The following CNTN4 variants were observed in gnomAD, a reference collection of about 807,000 sequenced individuals.
The protein encoded by CNTN4 is contactin 4.
In CNTN4, 77 loss-of-function variants were observed where a neutral mutation model predicts 122.5. That is an observed-to-expected ratio of 0.63 (90% confidence interval 0.52 to 0.76). The LOEUF (loss-of-function observed/expected upper bound fraction) is 0.76. Among genes scored for constraint, CNTN4 ranks in the 30% least tolerant of loss-of-function variants. CNTN4 has a pLI of 0.00. For missense variants in CNTN4, 1,256 were observed against 1,259.1 expected (o/e 1.00, Z 0.04); for synonymous variants, 512 against 447.0 (o/e 1.15, Z -1.83).
chr3:2,276,933 A>C (rs546515448), intron 2 of CNTN4, among the ~76,000 whole-genome samples: 22 of 152,204 alleles, frequency 1.4e-4, no homozygotes, highest in Non-Finnish European at 3.1e-4. Flanking sequence ...GTCTACAAAT[A>C]TAGTGATATA....
intron 14 of CNTN4, among the ~76,000 whole-genome samples, chr3:3,002,181 A>G (rs182975089): frequency 4.6e-5 from 7 of 152,302 alleles, no homozygotes; most frequent in Admixed American, 2.0e-4. Flanking sequence ...TCTAATTTTT[A>G]TGAATATTTT....
intron 4 of CNTN4, among the ~76,000 whole-genome samples, chr3:2,733,378 T>A (rs575357034): frequency 6.6e-6 from 1 of 152,326 alleles, no homozygotes; most frequent in South Asian, 2.1e-4. Flanking sequence ...CACTTAATTC[T>A]TTACCATTGA....
chr3:2,608,781 T>G (rs1333284115), intron 4 of CNTN4, among the ~76,000 whole-genome samples: 2 of 152,236 alleles, frequency 1.3e-5, no homozygotes, highest in African/African-American at 4.8e-5. Flanking sequence ...CAACTGCACT[T>G]TGCCCCTTGG....
intron 7 of CNTN4, among the ~76,000 whole-genome samples, chr3:2,836,175 A>T (rs13093332): frequency 6.6e-6 from 1 of 152,074 alleles, no homozygotes; most frequent in Non-Finnish European, 1.5e-5. Context: ...AATGTAGAAG[A>T]TATGAACATA....
chr3:2,596,375 A>G (rs1453520317), intron 4 of CNTN4, among the ~76,000 whole-genome samples: 9 of 152,172 alleles, frequency 5.9e-5, no homozygotes, highest in Admixed American at 5.9e-4. Context: ...AGTAAAATGG[A>G]CATCGGTTGT....
chr3:2,132,320 A>G (rs937767058), intron 2 of CNTN4: 1 of 152,206 alleles, frequency 6.6e-6, no homozygotes, highest in Non-Finnish European at 1.5e-5. Flanking sequence ...GGCATGAACG[A>G]TACCAAGGGA....
At chr3:2,816,504 C>G (rs1000676722) in intron 6 of CNTN4, among the ~76,000 whole-genome samples, 1 of 151,722 alleles carries the variant, frequency 6.6e-6, no homozygotes, top group Non-Finnish European at 1.5e-5. Context: ...ATGGGTGCAC[C>G]AAAATCTCAC....
At chr3:2,512,944 C>T (rs1472822323) in intron 3 of CNTN4, among the ~76,000 whole-genome samples, 1 of 152,056 alleles carries the variant, frequency 6.6e-6, no homozygotes, top group Admixed American at 6.6e-5. Flanking sequence ...AGGAACTGTG[C>T]AAGAGAGAGA....
At chr3:2,881,351 A>G (rs1037338813) in intron 8 of CNTN4, among the ~76,000 whole-genome samples, 1 of 152,102 alleles carries the variant, frequency 6.6e-6, no homozygotes, top group African/African-American at 2.4e-5. Flanking sequence ...CATCGCTACT[A>G]AAAATACAAA....
intron 3 of CNTN4, among the ~76,000 whole-genome samples, chr3:2,354,751 T>A (rs756896102): frequency 3.3e-5 from 5 of 152,094 alleles, no homozygotes; most frequent in Admixed American, 6.5e-5. Context: ...GTAAGTAAGC[T>A]GTTGATTGCT....
At chr3:2,673,165 A>C (rs949115674) in intron 4 of CNTN4, among the ~76,000 whole-genome samples, 45 of 152,152 alleles carry the variant, frequency 3.0e-4, no homozygotes, top group African/African-American at 1.1e-3. Context: ...TTTGGGTTTA[A>C]ATGCCTGGCC....
intron 9 of CNTN4, among the ~76,000 whole-genome samples, chr3:2,885,989 C>G (rs116426899): frequency 1.0e-3 from 154 of 152,222 alleles, no homozygotes; most frequent in Non-Finnish European, 1.6e-3. Flanking sequence ...AGACAGAAAG[C>G]AGAAGCTGCC....
chr3:2,100,429 T>G (rs1298263421), intron 1 of CNTN4, 129 bp from the exon 2 acceptor site: 3 of 152,202 alleles, frequency 2.0e-5, no homozygotes, highest in Non-Finnish European at 2.9e-5. Flanking sequence ...GATTTCTGGT[T>G]TATGTCCTTT....
chr3:2,584,012 C>T (rs2080064838), intron 4 of CNTN4, among the ~76,000 whole-genome samples: 1 of 152,150 alleles, frequency 6.6e-6, no homozygotes. Flanking sequence ...AATCTGGGTT[C>T]AAAACCTACC....
At chr3:3,053,063 C>T (rs1701420174) in intron 23 of CNTN4, among the ~76,000 whole-genome samples, 1 of 152,226 alleles carries the variant, frequency 6.6e-6, no homozygotes, top group Non-Finnish European at 1.5e-5. Flanking sequence ...TTGAGACAGT[C>T]TTGCTCTGTC....
At chr3:2,766,956 G>C (rs1168781580) in intron 6 of CNTN4, among the ~76,000 whole-genome samples, 1 of 152,128 alleles carries the variant, frequency 6.6e-6, no homozygotes, top group Non-Finnish European at 1.5e-5. Context: ...ATACTATAGG[G>C]CATGGAATGG....
chr3:2,810,036 T>G (rs147287542), intron 6 of CNTN4, among the ~76,000 whole-genome samples: 1 of 152,182 alleles, frequency 6.6e-6, no homozygotes, highest in Non-Finnish European at 1.5e-5. Context: ...GGTGAAAAAC[T>G]GTGAGAGTCT....
At chr3:2,125,925 G>GTA (rs1553570984) in intron 2 of CNTN4, among the ~76,000 whole-genome samples, 1 of 148,136 alleles carries the variant, frequency 6.8e-6, no homozygotes, top group Non-Finnish European at 1.5e-5. Context: ...GTGTGTGTGT[G>GTA]TGTATGTGTG....
chr3:2,154,371 C>T (rs912774788), intron 2 of CNTN4, among the ~76,000 whole-genome samples: 11 of 146,702 alleles, frequency 7.5e-5, no homozygotes, highest in African/African-American at 2.8e-4. Flanking sequence ...GACAAAGTGA[C>T]ACTGTCTCAA....
Sources: gnomAD v4.1 joint callset for allele counts (sites outside exome capture counted in the v4.1 genomes callset) on GRCh38, gnomAD v4.1.1 for gene constraint, MANE v1.5 for transcripts, NCBI Gene and HGNC (gene_info 2026-07-23, HGNC 2026-07-21) for gene names.